TP63: variants seen among roughly 807,000 people sequenced by gnomAD.
TP63 encodes the protein tumor protein 63.
A neutral mutation model predicts 82.8 loss-of-function variants in TP63; 17 were observed. That is an observed-to-expected ratio of 0.21 (90% confidence interval 0.14 to 0.31). The LOEUF (loss-of-function observed/expected upper bound fraction) is 0.31. TP63 is among the 10% of genes least tolerant of loss of function. The pLI, the probability that TP63 is intolerant of heterozygous loss-of-function variation, is 1.00. For missense variants in TP63, 648 were observed against 895.3 expected (o/e 0.72, Z 3.52); for synonymous variants, 330 against 321.7 (o/e 1.03, Z -0.28).
intron 3 of TP63, among the ~76,000 whole-genome samples, chr3:189,768,162 GT>G (rs1205374712): frequency 1.3e-5 from 2 of 152,020 alleles, no homozygotes; most frequent in Admixed American, 6.6e-5. Flanking sequence ...TGCTGTTGCT[GT>G]TTTTTTGCAA....
rs1560307303 is a variant in TP63, at chr3:189,890,807, C to G, written c.1671C>G (p.Gly557=). ...TCTGCAGTTTCTTAGCGAGGTTGGG[C>G]TGTTCATCATGTCTGGACTATTTCA... ...CSIVSFLARL[G]CSSCLDYFTT... The change falls in exon 13 of 14, where the codon GGC becomes GGG. Residue 557 remains glycine, a synonymous_variant. Transcript: ENST00000264731. The G allele has an allele frequency of 1.2e-6, 2 of 1,613,982 alleles. No homozygotes were observed. The highest frequency in any genetic ancestry group is 1.7e-6 in the Non-Finnish European group (2 of 1,179,994).
At chr3:189,879,984 G>A (rs1577182057) in intron 10 of TP63, 2 of 1,555,828 alleles carry the variant, frequency 1.3e-6, no homozygotes, top group East Asian at 4.6e-5. Context: ...GGTATAAGGA[G>A]TGTGTTTCTG....
the TP63 span, among the ~76,000 whole-genome samples, chr3:189,616,101 A>G: frequency 6.6e-6 from 1 of 152,234 alleles, no homozygotes; most frequent in Non-Finnish European, 1.5e-5. Context: ...TCATGGATCA[A>G]GACAAAAATA....
chr3:189,741,533 A>G (rs1433736632), intron 3 of TP63, among the ~76,000 whole-genome samples: 2 of 152,212 alleles, frequency 1.3e-5, no homozygotes, highest in Non-Finnish European at 2.9e-5. Flanking sequence ...AATAATTCCT[A>G]AAGTCTGCAA....
At chr3:189,742,242 C>CA (rs1721041864) in intron 3 of TP63, among the ~76,000 whole-genome samples, 1 of 62,356 alleles carries the variant, frequency 1.6e-5, no homozygotes, top group African/African-American at 7.8e-5. Flanking sequence ...AAACTCCATC[C>CA]CAAAAAAAAA....
At chr3:189,822,159 A>G (rs922404971) in intron 4 of TP63, among the ~76,000 whole-genome samples, 1 of 152,180 alleles carries the variant, frequency 6.6e-6, no homozygotes, top group South Asian at 2.1e-4. Flanking sequence ...ATTTGATATA[A>G]TAAGTATAAA....
At chr3:189,795,858 T>A (rs1257485620) in intron 3 of TP63, among the ~76,000 whole-genome samples, 1 of 152,056 alleles carries the variant, frequency 6.6e-6, no homozygotes, top group African/African-American at 2.4e-5. Flanking sequence ...AATGATTCCT[T>A]AGGCTGAAAA....
intron 4 of TP63, among the ~76,000 whole-genome samples, chr3:189,840,186 G>T (rs149271681): frequency 6.6e-6 from 1 of 151,886 alleles, no homozygotes; most frequent in African/African-American, 2.4e-5. Flanking sequence ...GAGTGTATAC[G>T]TACGGGTGGT....
chr3:189,607,271 A>G, the TP63 span, among the ~76,000 whole-genome samples: 1 of 152,220 alleles, frequency 6.6e-6, no homozygotes, highest in Non-Finnish European at 1.5e-5. Context: ...AAACTGATGA[A>G]TCTGTTTAGA....
At chr3:189,698,987 A>G (rs1477103254) in intron 1 of TP63, among the ~76,000 whole-genome samples, 2 of 152,184 alleles carry the variant, frequency 1.3e-5, no homozygotes, top group African/African-American at 2.4e-5. Context: ...TTAAGCTAGT[A>G]TTGAATGCCT....
chr3:189,868,237 A>G (rs975654284), intron 7 of TP63, among the ~76,000 whole-genome samples: 2 of 152,196 alleles, frequency 1.3e-5, no homozygotes, highest in African/African-American at 4.8e-5. Context: ...AAGGCATTTC[A>G]CAGTTTTTTT....
At chr3:189,738,175 A>G (rs575412494) in intron 2 of TP63, among the ~76,000 whole-genome samples, 42 of 152,184 alleles carry the variant, frequency 2.8e-4, no homozygotes, top group Non-Finnish European at 5.9e-4. Context: ...AGACTTATCT[A>G]CTTTTATAAT....
At chr3:189,642,860 AAC>A (rs1169467287) in intron 1 of TP63, among the ~76,000 whole-genome samples, 7 of 150,624 alleles carry the variant, frequency 4.6e-5, no homozygotes, top group African/African-American at 1.2e-4. Context: ...GCATAAATAA[AAC>A]ATGACAGAAA....
intron 1 of TP63, among the ~76,000 whole-genome samples, chr3:189,681,919 A>G (rs545119160): frequency 1.6e-4 from 25 of 152,270 alleles, no homozygotes; most frequent in African/African-American, 6.0e-4. Flanking sequence ...AGACCAAAAT[A>G]GCAATGCAAA....
chr3:189,856,108 T>A (rs1227386333), intron 4 of TP63, among the ~76,000 whole-genome samples: 1 of 151,824 alleles, frequency 6.6e-6, no homozygotes, highest in African/African-American at 2.4e-5. Flanking sequence ...TTAATGCCTA[T>A]AAGTAGGAGA....
chr3:189,872,934 C>A lies in TP63; in HGVS notation c.1288C>A (p.His430Asn). 2 of 1,614,144 alleles carry A rather than the reference C, an allele frequency of 1.2e-6. No homozygotes were observed. Residue 430 changes from histidine to asparagine, a missense_variant, in exon 10 of 14, where the codon CAC (histidine) becomes AAC (asparagine). By Grantham distance (68) the His-to-Asn change is moderately conservative (BLOSUM62 1). Transcript: ENST00000264731. ...SLELMQYLPQ[H>N]TIETYRQQQQ... ...GGAACTCATGCAGTACCTTCCTCAGCACACAATTGAAACGTACAGGCAACA... is the reference window on the plus strand; with the variant it reads ...GGAACTCATGCAGTACCTTCCTCAGAACACAATTGAAACGTACAGGCAACA...
At chr3:189,651,780 T>C (rs1232369936) in intron 1 of TP63, among the ~76,000 whole-genome samples, 1 of 146,658 alleles carries the variant, frequency 6.8e-6, no homozygotes, top group African/African-American at 2.6e-5. Context: ...GGCCCCCTGC[T>C]CTGTGCAGCC....
chr3:189,695,781 A>C (rs1717331778), intron 1 of TP63, among the ~76,000 whole-genome samples: 1 of 152,158 alleles, frequency 6.6e-6, no homozygotes, highest in Non-Finnish European at 1.5e-5. Flanking sequence ...TAATTGTTTT[A>C]TCACAGTGTA....
intron 1 of TP63, among the ~76,000 whole-genome samples, chr3:189,639,840 G>T (rs1476653919): frequency 6.6e-6 from 1 of 152,076 alleles, no homozygotes; most frequent in Non-Finnish European, 1.5e-5. Flanking sequence ...ACATATACAG[G>T]TTTATAATAG....
Sources: allele counts gnomAD v4.1 joint callset (sites outside exome capture counted in the v4.1 genomes callset), GRCh38; gene constraint gnomAD v4.1.1; transcripts MANE v1.5; gene names NCBI Gene and HGNC (gene_info 2026-07-23, HGNC 2026-07-21).